The following EPB41L4B variants were observed in gnomAD, a reference collection of about 807,000 sequenced individuals.
EPB41L4B encodes the protein band 4.1-like protein 4B.
EPB41L4B carries 30 observed loss-of-function variants against 112.5 expected under a neutral mutation model. That is an observed-to-expected ratio of 0.27 (90% CI 0.20 to 0.36). The LOEUF (loss-of-function observed/expected upper bound fraction) is 0.36. EPB41L4B is among the 10% of genes least tolerant of loss of function. The pLI is 1.00. For synonymous variants in EPB41L4B, 408 were observed against 439.7 expected (o/e 0.93, Z 0.90); for missense variants, 1,024 against 1,133.3 (o/e 0.90, Z 1.38).
chr9:109,234,142 G>C (rs10979766), intron 15 of EPB41L4B, among the ~76,000 whole-genome samples: 21,546 of 151,570 alleles, frequency 0.14, 2,006 homozygotes, highest in East Asian at 0.27. Context: ...TTTGCTTCCT[G>C]TGAGGTCACA....
chr9:109,248,613 C>T (rs959875460), intron 13 of EPB41L4B, among the ~76,000 whole-genome samples: 2 of 152,102 alleles, frequency 1.3e-5, no homozygotes, highest in Non-Finnish European at 2.9e-5. Flanking sequence ...TCGATGGAAT[C>T]TTTTTGTTTG....
intron 1 of EPB41L4B, among the ~76,000 whole-genome samples, chr9:109,306,198 G>T (rs571449333): frequency 1.4e-4 from 21 of 152,194 alleles, no homozygotes; most frequent in Non-Finnish European, 2.4e-4. Flanking sequence ...AGGATTAAAT[G>T]AAATGATCAA....
In EPB41L4B at chr9:109,321,041, C is replaced by T. The variant is rs992975227; in HGVS notation, c.-595G>A. The T allele has an allele frequency of 1.1e-5, 2 of 188,746 alleles. No homozygotes were observed. The highest frequency in any genetic ancestry group is 1.1e-4 in the South Asian group (1 of 9,216). 11.7% of individuals were successfully genotyped at this position (188,746 alleles called of 1,614,324 possible). A position where few individuals can be genotyped will look rare whatever the true frequency, so the allele number is the denominator to read the frequency against. Reference sequence around the variant, plus strand: ...CCGCCGCCGCCGCCGCCGCTGCCGCCGGGACTGCAGCACGCCCTCCTCCCT... The same window carrying T: ...CCGCCGCCGCCGCCGCCGCTGCCGCTGGGACTGCAGCACGCCCTCCTCCCT... On this transcript the variant is annotated 5_prime_UTR_variant, in exon 1 of 26. Coordinates refer to ENST00000374566, the MANE Select transcript of EPB41L4B (RefSeq NM_019114.5).
At chr9:109,211,818 C>T (rs984238357) in intron 17 of EPB41L4B, among the ~76,000 whole-genome samples, 13 of 149,118 alleles carry the variant, frequency 8.7e-5, no homozygotes, top group Admixed American at 4.0e-4. Flanking sequence ...TGGGTTCAAG[C>T]GATTCTTCTG....
chr9:109,310,780 T>C (rs762849093), intron 1 of EPB41L4B, among the ~76,000 whole-genome samples: 3 of 152,222 alleles, frequency 2.0e-5, no homozygotes, highest in Non-Finnish European at 4.4e-5. Flanking sequence ...GGTCCAGACC[T>C]GCATAAACAT....
At chr9:109,194,115 T>C in intron 21 of EPB41L4B, 105 bp downstream of exon 21, 2 of 1,313,826 alleles carry the variant, frequency 1.5e-6, no homozygotes, top group Non-Finnish European at 2.1e-6. Flanking sequence ...GTATACACAA[T>C]TGATTATGCA....
intron 15 of EPB41L4B, among the ~76,000 whole-genome samples, chr9:109,222,334 C>G (rs10979760): frequency 3.3e-5 from 5 of 151,918 alleles, no homozygotes; most frequent in African/African-American, 1.2e-4. Flanking sequence ...TAGAATGACT[C>G]GGGTGCTTTC....
chr9:109,260,145 C>A (rs998029632), intron 6 of EPB41L4B, among the ~76,000 whole-genome samples: 1 of 152,138 alleles, frequency 6.6e-6, no homozygotes, highest in African/African-American at 2.4e-5. Flanking sequence ...CAGCTCTCTG[C>A]AACCTCAAAC....
intron 1 of EPB41L4B, among the ~76,000 whole-genome samples, chr9:109,297,151 C>T (rs1044759290): frequency 2.9e-5 from 4 of 139,792 alleles, no homozygotes; most frequent in Non-Finnish European, 4.5e-5. Context: ...GGGACACATA[C>T]GCAGGGGAAA....
intron 24 of EPB41L4B, among the ~76,000 whole-genome samples, chr9:109,178,361 T>G (rs141351465): frequency 4.0e-5 from 6 of 151,722 alleles, no homozygotes; most frequent in African/African-American, 1.2e-4. Context: ...GAAGACACTC[T>G]GATCATCAAA....
chr9:109,308,944 C>T (rs1206775097), intron 1 of EPB41L4B, among the ~76,000 whole-genome samples: 3 of 152,086 alleles, frequency 2.0e-5, no homozygotes, highest in East Asian at 1.9e-4. Flanking sequence ...CGCGTGGTGG[C>T]GCATGCCTGT....
intron 15 of EPB41L4B, among the ~76,000 whole-genome samples, chr9:109,217,552 A>C (rs1393173902): frequency 1.3e-5 from 2 of 152,178 alleles, no homozygotes; most frequent in African/African-American, 4.8e-5. Flanking sequence ...ACATGCAGAA[A>C]GCTCCAGTTA....
chr9:109,203,871 G>T, intron 18 of EPB41L4B, 141 bp from the exon 19 acceptor site: 1 of 677,820 alleles, frequency 1.5e-6, no homozygotes, highest in Non-Finnish European at 2.6e-6. Flanking sequence ...AATCAATAGA[G>T]AATCTTGCAC....
rs181372245 is a variant in EPB41L4B at position 109,273,208 on chromosome 9, G to T, written c.412-4775C>A. ...AGGAAAACACTCGGCCTGCCTCCCA[G>T]CATTCAGAGACAGGATGAGGAGAGG... On this transcript the variant is annotated intron_variant, in intron 2 of 25. Coordinates refer to ENST00000374566, the MANE Select transcript of EPB41L4B (RefSeq NM_019114.5). Among the ~76,000 whole-genome samples, 48 of 151,898 alleles carry T rather than the reference G, an allele frequency of 3.2e-4. No homozygotes were observed. The East Asian group carries it at 8.9e-3, about 28-fold the overall frequency.
intron 1 of EPB41L4B, among the ~76,000 whole-genome samples, chr9:109,319,585 G>C (rs942441735): frequency 4.6e-5 from 7 of 152,238 alleles, no homozygotes; most frequent in Non-Finnish European, 8.8e-5. Flanking sequence ...GATCAGCAGA[G>C]AGCAGAAATG....
chr9:109,195,473 A>C (rs1324681982), intron 20 of EPB41L4B, among the ~76,000 whole-genome samples: 1 of 152,210 alleles, frequency 6.6e-6, no homozygotes, highest in Admixed American at 6.5e-5. Context: ...AAAGGTGAGA[A>C]TTGAATAAGT....
At chr9:109,208,186 T>G (rs1465396650) in intron 17 of EPB41L4B, 137 bp from the exon 18 acceptor site, 1 of 1,025,694 alleles carries the variant, frequency 9.7e-7, no homozygotes, top group Non-Finnish European at 1.4e-6. Flanking sequence ...CCTTATATTT[T>G]TATCTGTGCT....
intron 1 of EPB41L4B, among the ~76,000 whole-genome samples, chr9:109,296,758 A>AT (rs994825287): frequency 6.6e-6 from 1 of 152,056 alleles, no homozygotes; most frequent in African/African-American, 2.4e-5. Context: ...ATGGTGGCAC[A>AT]TATCTGTAGC....
intron 1 of EPB41L4B, among the ~76,000 whole-genome samples, chr9:109,285,858 G>A (rs1027205324): frequency 6.6e-6 from 1 of 152,072 alleles, no homozygotes; most frequent in African/African-American, 2.4e-5. Context: ...CGTCTTTCAG[G>A]AGCCTCCCCA....
Sources: allele counts gnomAD v4.1 joint callset (sites outside exome capture counted in the v4.1 genomes callset), GRCh38; gene constraint gnomAD v4.1.1; transcripts MANE v1.5; gene names NCBI Gene and HGNC (gene_info 2026-07-23, HGNC 2026-07-21).